The following MTERF1 variants were observed in gnomAD, a reference collection of about 807,000 sequenced individuals.
MTERF1 encodes the protein mitochondrial transcription termination factor 1, also known as transcription termination factor 1, mitochondrial.
MTERF1 carries 29 observed loss-of-function variants against 31.6 expected under a neutral mutation model. That is an observed-to-expected ratio of 0.92 (90% CI 0.68 to 1.25). MTERF1 has a LOEUF of 1.25. MTERF1 is among the 50% of genes most tolerant of loss of function. The pLI, the probability that MTERF1 is intolerant of heterozygous loss-of-function variation, is 0.00. For synonymous variants in MTERF1, 152 were observed against 164.1 expected, an observed-to-expected ratio of 0.93 and a Z score of 0.57; for missense variants, 500 against 469.1, an observed-to-expected ratio of 1.07 and a Z score of -0.61.
chr7:91,880,078 C>T lies in MTERF1; in HGVS notation c.6G>A (p.Gln2=). 1.2e-6 allele frequency: 2 copies of T among 1,614,064 alleles called. No individual in the cohort carries two copies. Among genetic ancestry groups the T allele is most frequent in the Non-Finnish European group, 1.7e-6 (2 of 1,180,034 alleles). Residue 2 remains glutamine (Q), a synonymous_variant, in exon 2 of 3, where the codon CAG becomes CAA. Transcript: ENST00000351870. The part of the protein sequence containing the change: M[Q]SLSLGQTSIS... ...ACCTTGTTTGTCCTAAGGAAAGGCT[C>T]TGCATCCCTCCAGAAAGGCTGGAGA...
intron 2 of MTERF1, among the ~76,000 whole-genome samples, chr7:91,879,609 G>C (rs1357197098): frequency 6.6e-6 from 1 of 151,740 alleles, no homozygotes; most frequent in Non-Finnish European, 1.5e-5. Context: ...TCGGTTTCTA[G>C]TACCAAAAAA....
Position 91,874,084 on chromosome 7 carries a change from A to C in MTERF1, c.710T>G (p.Ile237Arg). The change falls in exon 3 of 3, where the codon ATA becomes AGA. Residue 237 changes from isoleucine to arginine, a missense_variant. By Grantham distance (97) the Ile-to-Arg change is moderately conservative. Coordinates refer to ENST00000351870, the MANE Select transcript of MTERF1 (RefSeq NM_006980.5). ...HNDPADFVRK[I>R]IFKNPFILIQ... The stretch of plus-strand genomic sequence containing the variant: ...TAAGATAAAAGGGTTTTTAAAAATT[A>C]TCTTTCTGACAAAATCTGCGGGATC... 1 of 1,614,134 alleles carries C rather than the reference A, an allele frequency of 6.2e-7. No individual in the cohort carries two copies. Among genetic ancestry groups the C allele is most frequent in the Non-Finnish European group, 8.5e-7 (1 of 1,180,028 alleles).
intron 2 of MTERF1, among the ~76,000 whole-genome samples, chr7:91,877,407 G>C (rs939928492): frequency 1.2e-4 from 18 of 152,120 alleles, no homozygotes; most frequent in Non-Finnish European, 2.2e-4. Flanking sequence ...ATCCTCCATG[G>C]AAGTTTCTTC....
intron 2 of MTERF1, among the ~76,000 whole-genome samples, 170 bp downstream of exon 2, chr7:91,879,885 T>C (rs760175965): frequency 2.0e-5 from 3 of 152,186 alleles, no homozygotes; most frequent in Non-Finnish European, 4.4e-5. Flanking sequence ...TCTATGCTTG[T>C]AGTATGAGGG....
chr7:91,872,283 T>A lies in MTERF1; in HGVS notation c.*1311A>T, dbSNP rs1229973414. On this transcript the variant is annotated 3_prime_UTR_variant, in exon 3 of 3. Coordinates refer to ENST00000351870, the MANE Select transcript of MTERF1 (RefSeq NM_006980.5). ...TAAAGCTGCTTTTTAAAATACTATCTTTTTATTATAGCTATCACTGATTGC... is the reference window on the plus strand; with the variant it reads ...TAAAGCTGCTTTTTAAAATACTATCATTTTATTATAGCTATCACTGATTGC... 1.3e-5 allele frequency: 2 copies of A among 152,228 alleles called. No homozygotes were observed. The highest frequency in any genetic ancestry group is 2.9e-5 in the Non-Finnish European group (2 of 68,040). 9.4% of individuals were successfully genotyped at this position (152,228 alleles called of 1,614,324 possible). A position where few individuals can be genotyped will look rare whatever the true frequency, so the allele number is the denominator to read the frequency against.
chr7:91,873,838 TC>T lies in MTERF1; in HGVS notation c.955del (p.Asp319MetfsTer2). On this transcript the variant is annotated frameshift_variant, in exon 3 of 3. Coordinates refer to ENST00000351870, the MANE Select transcript of MTERF1 (RefSeq NM_006980.5). LOFTEE classifies it high-confidence loss of function. ...EVQKFVLSYP[D>X]VIFLAEKKFN... ...CTTTTTCTCTGCCAAGAAGATCACA[TC>T]TGGATAGCTTAAGACAAACTTCTGT... 6.2e-7 allele frequency: 1 copy of T among 1,614,138 alleles called. No individual in the cohort carries two copies. Among genetic ancestry groups the T allele is most frequent in the Non-Finnish European group, 8.5e-7 (1 of 1,180,024 alleles).
In MTERF1 at chr7:91,880,698, C is replaced by T. The variant is rs997712302; in HGVS notation, c.-72G>A. The T allele has an allele frequency of 6.6e-6, 1 of 152,336 alleles. No individual in the cohort carries two copies. Among genetic ancestry groups the T allele is most frequent in the African/African-American group, 2.4e-5 (1 of 41,468 alleles). The allele number at this position is 152,336 out of a possible 1,614,324, so 9.4% of individuals were successfully genotyped here. On this transcript the variant is annotated 5_prime_UTR_variant, in exon 1 of 3. Coordinates refer to ENST00000351870, the MANE Select transcript of MTERF1 (RefSeq NM_006980.5). ...CCACTGTAGTTCGCTTTTACTTCCG[C>T]CTCTGGGGTCCGGAGCGGCTAGGAG...
In MTERF1 at chr7:91,870,997, C is replaced by T. The variant is rs1789171181; in HGVS notation, c.*2597G>A. On this transcript the variant is annotated 3_prime_UTR_variant, in exon 3 of 3. Transcript: ENST00000351870. ...TATTACCCAGGCTGGTCTTGAACTC[C>T]TGGGCTCAAGCAATCCTCCCACCTC... 1 of 148,524 alleles carries T rather than the reference C, an allele frequency of 6.7e-6. No homozygotes were observed. The highest frequency in any genetic ancestry group is 1.5e-5 in the Non-Finnish European group (1 of 67,638). The allele number at this position is 148,524 out of a possible 1,614,324, so 9.2% of individuals were successfully genotyped here. A position where few individuals can be genotyped will look rare whatever the true frequency, so the allele number is the denominator to read the frequency against.
chr7:91,875,046 T>C (rs1789311325), intron 2 of MTERF1, among the ~76,000 whole-genome samples: 1 of 152,236 alleles, frequency 6.6e-6, no homozygotes, highest in Non-Finnish European at 1.5e-5. Context: ...AATGTACATA[T>C]ATAACTGTCT....
chr7:91,873,500 T>C lies in MTERF1; in HGVS notation c.*94A>G. 1 of 1,089,408 alleles carries C rather than the reference T, an allele frequency of 9.2e-7. No individual in the cohort carries two copies. The highest frequency in any genetic ancestry group is 1.3e-6 in the Non-Finnish European group (1 of 776,212). The allele number at this position is 1,089,408 out of a possible 1,614,324, so 67.5% of individuals were successfully genotyped here. On this transcript the variant is annotated 3_prime_UTR_variant, in exon 3 of 3. Coordinates refer to ENST00000351870, the MANE Select transcript of MTERF1 (RefSeq NM_006980.5). ...GGATAATCTCCCCATCTCAAGGCCC[T>C]TAATAACATTTTAAATTAATCACTT... is the stretch of plus-strand genomic sequence containing the variant.
At position 91,874,520 on chromosome 7, in the gene MTERF1, G is replaced by T. The variant is rs765670691; in HGVS notation, c.274C>A (p.Arg92=). 5.0e-6 allele frequency: 8 copies of T among 1,614,004 alleles called. No homozygotes were observed. The highest frequency in any genetic ancestry group is 6.8e-6 in the Non-Finnish European group (8 of 1,180,014). ...MGVDIDMARK[R]QPGVFHRMIT... ...ATCCTATGAAAAACTCCAGGCTGTC[G>T]TTTCCTTGCCATGTCAATATCTACT... Residue 92 remains arginine (R), a synonymous_variant, in exon 3 of 3, where the codon CGA becomes AGA. Transcript: ENST00000351870.
chr7:91,876,237 G>T (rs1789343387), intron 2 of MTERF1, among the ~76,000 whole-genome samples: 1 of 152,328 alleles, frequency 6.6e-6, no homozygotes, highest in Admixed American at 6.5e-5. Flanking sequence ...AACAGAAAAA[G>T]TGTTCTGTTA....
In MTERF1 at chr7:91,874,414, C is replaced by T; in HGVS notation, c.380G>A (p.Arg127Lys). The change falls in exon 3 of 3, where the codon AGA becomes AAA. Residue 127 changes from arginine to lysine, a missense_variant. Transcript: ENST00000351870. ...SKEVIASIISRYPRAITRTPE... is the reference protein window; with the variant it reads ...SKEVIASIISKYPRAITRTPE... Reference sequence around the variant, plus strand: ...AGTACGTGTTATTGCTCGTGGATATCTTGATATGATGCTAGCGATCACTTC... The same window carrying T: ...AGTACGTGTTATTGCTCGTGGATATTTTGATATGATGCTAGCGATCACTTC... The T allele has an allele frequency of 1.9e-6, 3 of 1,614,098 alleles. No individual in the cohort carries two copies. Among genetic ancestry groups the T allele is most frequent in the South Asian group, 2.2e-5 (2 of 91,074 alleles).
In MTERF1 at chr7:91,874,596, G is replaced by C; in HGVS notation, c.198C>G (p.Asp66Glu). The C allele has an allele frequency of 6.2e-7, 1 of 1,614,040 alleles. No individual in the cohort carries two copies. The highest frequency in any genetic ancestry group is 8.5e-7 in the Non-Finnish European group (1 of 1,180,022). ...RLFGVKCHNT[D>E]SEPLKNEDLL... is the part of the protein sequence containing the mutation. ...GGTCCTCATTTTTCAAAGGCTCACT[G>C]TCTGTATTATGACACTTCACACCAA... Residue 66 changes from aspartate to glutamate, a missense_variant, in exon 3 of 3, where the codon GAC becomes GAG. Asp to Glu is a conservative substitution (Grantham distance 45). Coordinates refer to ENST00000351870, the MANE Select transcript of MTERF1 (RefSeq NM_006980.5).
intron 2 of MTERF1, among the ~76,000 whole-genome samples, chr7:91,879,281 C>T (rs1210947598): frequency 6.6e-6 from 1 of 152,084 alleles, no homozygotes; most frequent in Non-Finnish European, 1.5e-5. Flanking sequence ...ATGCAATATA[C>T]TATAAAGGTG....
In MTERF1 at chr7:91,873,561, C is replaced by G; in HGVS notation, c.*33G>C. 1 of 1,534,934 alleles carries G rather than the reference C, an allele frequency of 6.5e-7. No homozygotes were observed. The highest frequency in any genetic ancestry group is 1.4e-5 in the African/African-American group (1 of 72,218). On this transcript the variant is annotated 3_prime_UTR_variant, in exon 3 of 3. Coordinates refer to ENST00000351870, the MANE Select transcript of MTERF1 (RefSeq NM_006980.5). ...CTTTTGCAATGTGGCATAACATATT[C>G]ACAGTTCCTGAGAATTAAAAACATT...
intron 2 of MTERF1, among the ~76,000 whole-genome samples, chr7:91,876,000 T>A (rs1456448032): frequency 2.6e-5 from 4 of 152,174 alleles, no homozygotes; most frequent in Non-Finnish European, 4.4e-5. Context: ...TTTACCATTC[T>A]CCCCTTCTCC....
chr7:91,871,242 G>A lies in MTERF1; in HGVS notation c.*2352C>T, dbSNP rs1166354102. The A allele has an allele frequency of 6.6e-6, 1 of 152,192 alleles. No individual in the cohort carries two copies. Among genetic ancestry groups the A allele is most frequent in the Non-Finnish European group, 1.5e-5 (1 of 68,092 alleles). 9.4% of individuals were successfully genotyped at this position (152,192 alleles called of 1,614,324 possible). On this transcript the variant is annotated 3_prime_UTR_variant, in exon 3 of 3. Coordinates refer to ENST00000351870, the MANE Select transcript of MTERF1 (RefSeq NM_006980.5). ...CTGCCCAATGATCAAGTGCTGTACT[G>A]TACTTCAGTGCAACCCACATTCTCT...
chr7:91,879,083 T>C (rs1328377618), intron 2 of MTERF1, among the ~76,000 whole-genome samples: 2 of 152,026 alleles, frequency 1.3e-5, no homozygotes, highest in South Asian at 4.1e-4. Flanking sequence ...GCGGAGGTTG[T>C]AGTGAGCTGA....
Sources: gnomAD v4.1 joint callset for allele counts (sites outside exome capture counted in the v4.1 genomes callset) on GRCh38, gnomAD v4.1.1 for gene constraint, MANE v1.5 for transcripts, NCBI Gene and HGNC (gene_info 2026-07-23, HGNC 2026-07-21) for gene names.